The following FHIT variants were observed in gnomAD, a reference collection of about 807,000 sequenced individuals.
FHIT encodes bis(5'-adenosyl)-triphosphatase.
FHIT carries 19 observed loss-of-function variants against 17.9 expected under a neutral mutation model. The observed-to-expected ratio is 1.06, with a 90% CI of 0.74 to 1.56. The LOEUF is 1.56. Ranked by LOEUF, FHIT falls within the 40% of genes most tolerant of loss-of-function variation. FHIT has a pLI of 0.00. For missense variants in FHIT, 248 were observed against 189.2 expected (o/e 1.31, Z -1.82); for synonymous variants, 81 against 69.7 (o/e 1.16, Z -0.81).
chr3:60,403,373 C>A (rs1701734680), intron 5 of FHIT, among the ~76,000 whole-genome samples: 1 of 152,032 alleles, frequency 6.6e-6, no homozygotes, highest in South Asian at 2.1e-4. Flanking sequence ...CCAGGGACAC[C>A]AAATAGGAAT....
chr3:60,167,082 C>G (rs968527691), intron 5 of FHIT, among the ~76,000 whole-genome samples: 1 of 152,182 alleles, frequency 6.6e-6, no homozygotes, highest in African/African-American at 2.4e-5. Context: ...GGAGTCTTCA[C>G]TTTCATCAGA....
intron 3 of FHIT, among the ~76,000 whole-genome samples, chr3:60,909,592 G>A (rs1398106226): frequency 2.6e-5 from 4 of 152,064 alleles, no homozygotes; most frequent in African/African-American, 7.2e-5. Flanking sequence ...TCCCATTCCA[G>A]AGAGGAGGCA....
At chr3:60,166,747 A>G (rs541419055) in intron 5 of FHIT, among the ~76,000 whole-genome samples, 98 of 152,250 alleles carry the variant, frequency 6.4e-4, no homozygotes, top group South Asian at 1.5e-3. Context: ...TCTAAAAGCA[A>G]AGCATATTTT....
At chr3:59,922,564 T>C in intron 7 of FHIT, 150 bp from the exon 8 acceptor site, 2 of 651,618 alleles carry the variant, frequency 3.1e-6, no homozygotes, top group South Asian at 1.9e-5. Context: ...TCGGTAACTA[T>C]ACCTGAAATC....
At chr3:60,233,999 G>A (rs1438816361) in intron 5 of FHIT, among the ~76,000 whole-genome samples, 3 of 152,100 alleles carry the variant, frequency 2.0e-5, no homozygotes, top group Admixed American at 6.6e-5. Context: ...TTAGCAGCAT[G>A]AGAACAGATT....
intron 2 of FHIT, among the ~76,000 whole-genome samples, chr3:61,128,890 A>G (rs1358168723): frequency 6.6e-6 from 1 of 152,100 alleles, no homozygotes; most frequent in Non-Finnish European, 1.5e-5. Flanking sequence ...TCACTGGCAT[A>G]CATAAGCCTG....
At chr3:60,531,328 G>A (rs1024639364) in intron 5 of FHIT, among the ~76,000 whole-genome samples, 1 of 146,032 alleles carries the variant, frequency 6.8e-6, no homozygotes, top group African/African-American at 2.6e-5. Context: ...GCCCAGGCTG[G>A]AGTGCAGTGG....
intron 2 of FHIT, among the ~76,000 whole-genome samples, chr3:61,148,635 G>C (rs1025261291): frequency 2.0e-5 from 3 of 152,030 alleles, no homozygotes; most frequent in African/African-American, 7.2e-5. Context: ...TCAAGTGCTT[G>C]GCTATTATAA....
Position 60,462,783 on chromosome 3 carries a change from C to T in FHIT, c.103+74077G>A, listed in dbSNP as rs1170657960. On this transcript the variant is annotated intron_variant, in intron 5 of 9. Transcript: ENST00000492590. The stretch of plus-strand genomic sequence containing the variant: ...CCGGGCTAAGACAGCTGGGGAGCCA[C>T]TGAGGGCATGCTGCAGGGAGATCAC... Among the ~76,000 whole-genome samples, 4 of 152,218 alleles carry T rather than the reference C, an allele frequency of 2.6e-5. No individual in the cohort carries two copies. In the East Asian group the frequency reaches 7.7e-4, roughly 29 times the overall value.
chr3:60,377,615 G>A (rs1700626702), intron 5 of FHIT, among the ~76,000 whole-genome samples: 1 of 149,666 alleles, frequency 6.7e-6, no homozygotes, highest in Non-Finnish European at 1.5e-5. Flanking sequence ...CCGAGTAGCT[G>A]GGACTACAGG....
chr3:60,400,265 G>C (rs920728910), intron 5 of FHIT, among the ~76,000 whole-genome samples: 6 of 152,242 alleles, frequency 3.9e-5, no homozygotes, highest in African/African-American at 1.4e-4. Context: ...GCACATCATG[G>C]AGACATGGAG....
intron 5 of FHIT, among the ~76,000 whole-genome samples, chr3:60,349,273 A>G (rs1011536592): frequency 1.3e-5 from 2 of 152,194 alleles, no homozygotes; most frequent in Non-Finnish European, 2.9e-5. Context: ...AATTCAGCTC[A>G]CAAGCCACCA....
chr3:61,045,667 C>T (rs918781093), intron 2 of FHIT, among the ~76,000 whole-genome samples: 1 of 152,150 alleles, frequency 6.6e-6, no homozygotes, highest in African/African-American at 2.4e-5. Flanking sequence ...ACTCTCCACC[C>T]CAAATCAACA....
Position 60,325,249 on chromosome 3 carries a change from G to A in FHIT, c.103+211611C>T, listed in dbSNP as rs17062762. 4.5e-3 allele frequency among the ~76,000 whole-genome samples: 690 copies of A among 152,106 alleles called. 1 individual carries two copies. The highest frequency in any genetic ancestry group is 0.015 in the African/African-American group (637 of 41,492). On this transcript the variant is annotated intron_variant, in intron 5 of 9. Coordinates refer to ENST00000492590, the MANE Select transcript of FHIT (RefSeq NM_002012.4). ...ATTGCGTTCTGTTAACTGGCCAGAG[G>A]GTTTTTAAAATGCCAAAAGATTCCA... is the stretch of plus-strand genomic sequence containing the variant.
chr3:60,786,460 G>A (rs1405843859), intron 4 of FHIT, among the ~76,000 whole-genome samples: 1 of 152,156 alleles, frequency 6.6e-6, no homozygotes, highest in Non-Finnish European at 1.5e-5. Context: ...TGGTTCAAAT[G>A]CTAGCTCGGC....
At chr3:60,057,158 C>G (rs1702115474) in intron 5 of FHIT, among the ~76,000 whole-genome samples, 1 of 152,152 alleles carries the variant, frequency 6.6e-6, no homozygotes, top group African/African-American at 2.4e-5. Flanking sequence ...TACTAGAAGC[C>G]AAGCCAGGTA....
At chr3:59,944,712 G>GT (rs1306729362) in intron 7 of FHIT, among the ~76,000 whole-genome samples, 2 of 152,040 alleles carry the variant, frequency 1.3e-5, no homozygotes, top group Admixed American at 1.3e-4. Flanking sequence ...GGTGTCTATT[G>GT]TTTCTTTCTC....
chr3:60,683,015 C>G (rs576800898), intron 4 of FHIT, among the ~76,000 whole-genome samples: 2 of 152,028 alleles, frequency 1.3e-5, no homozygotes. Flanking sequence ...GAAGAAATAG[C>G]GACAACTAGA....
At chr3:60,908,578 G>A (rs1706552990) in intron 3 of FHIT, among the ~76,000 whole-genome samples, 1 of 151,948 alleles carries the variant, frequency 6.6e-6, no homozygotes, top group Non-Finnish European at 1.5e-5. Context: ...GACACAAAAA[G>A]CTATGGAGAA....
Sources: gnomAD v4.1 joint callset for allele counts (sites outside exome capture counted in the v4.1 genomes callset) on GRCh38, gnomAD v4.1.1 for gene constraint, MANE v1.5 for transcripts, NCBI Gene and HGNC (gene_info 2026-07-23, HGNC 2026-07-21) for gene names.